IGF2BP3: variants seen among roughly 807,000 people sequenced by gnomAD.
The protein encoded by IGF2BP3 is insulin like growth factor 2 mRNA binding protein 3.
IGF2BP3 carries 9 observed loss-of-function variants against 73.8 expected under a neutral mutation model. That is an observed-to-expected ratio of 0.12 (90% CI 0.07 to 0.21). The LOEUF (loss-of-function observed/expected upper bound fraction) is 0.21. Ranked by LOEUF, IGF2BP3 falls within the 10% of genes least tolerant of loss-of-function variation. IGF2BP3 has a pLI of 1.00. For synonymous variants in IGF2BP3, 258 were observed against 256.7 expected, an observed-to-expected ratio of 1.01 and a Z score of -0.05; for missense variants, 542 against 714.0, an observed-to-expected ratio of 0.76 and a Z score of 2.75.
intron 3 of IGF2BP3, among the ~76,000 whole-genome samples, chr7:23,376,002 G>C (rs1785705410): frequency 6.6e-6 from 1 of 152,150 alleles, no homozygotes; most frequent in Non-Finnish European, 1.5e-5. Flanking sequence ...TTTAGCATGA[G>C]CAGTTCTCAA....
intron 12 of IGF2BP3, among the ~76,000 whole-genome samples, chr7:23,317,438 A>C (rs1003551337): frequency 5.3e-5 from 8 of 152,238 alleles, no homozygotes; most frequent in Non-Finnish European, 1.0e-4. Context: ...AGGTAAATCC[A>C]GCAACCAGTA....
intron 2 of IGF2BP3, among the ~76,000 whole-genome samples, chr7:23,424,121 C>CA (rs1321557776): frequency 2.7e-5 from 4 of 150,610 alleles, no homozygotes; most frequent in African/African-American, 9.8e-5. Flanking sequence ...CCATCTCAAA[C>CA]AAAAAAATTT....
intron 3 of IGF2BP3, among the ~76,000 whole-genome samples, chr7:23,368,961 G>T (rs186974882): frequency 2.6e-5 from 4 of 151,698 alleles, no homozygotes; most frequent in Non-Finnish European, 5.9e-5. Flanking sequence ...GAATTGCATA[G>T]TATGTGAATT....
intron 3 of IGF2BP3, among the ~76,000 whole-genome samples, chr7:23,387,062 T>C (rs1481676495): frequency 5.8e-5 from 8 of 137,160 alleles, no homozygotes; most frequent in Admixed American, 7.5e-5. Flanking sequence ...CAAGACTCTG[T>C]CAAAAAAAAA....
chr7:23,454,498 T>C (rs1788270894), intron 2 of IGF2BP3, among the ~76,000 whole-genome samples: 2 of 152,158 alleles, frequency 1.3e-5, no homozygotes, highest in South Asian at 4.2e-4. Context: ...ACACACAAAC[T>C]TATTAGTGAG....
At chr7:23,325,907 C>A (rs1428826736) in intron 10 of IGF2BP3, among the ~76,000 whole-genome samples, 2 of 152,176 alleles carry the variant, frequency 1.3e-5, no homozygotes, top group Non-Finnish European at 2.9e-5. Context: ...CCCTTCCTTA[C>A]ACCTTATACA....
intron 12 of IGF2BP3, among the ~76,000 whole-genome samples, chr7:23,315,400 G>A (rs767075076): frequency 6.6e-6 from 1 of 152,098 alleles, no homozygotes; most frequent in Non-Finnish European, 1.5e-5. Context: ...GGGCCACCGC[G>A]CCTGGCCAAG....
At chr7:23,363,635 T>C (rs968319260) in intron 3 of IGF2BP3, among the ~76,000 whole-genome samples, 2 of 152,234 alleles carry the variant, frequency 1.3e-5, no homozygotes, top group African/African-American at 4.8e-5. Context: ...GAGGTAAATT[T>C]AATTTTTATT....
chr7:23,331,091 G>A lies in IGF2BP3; in HGVS notation c.1203+10973C>T, dbSNP rs557137819. ...TGGGATTACAGGCATGAGCCACTGC[G>A]CCCGGCTGCTTTATTTTTCATAAAA... is the stretch of plus-strand genomic sequence containing the variant. On this transcript the variant is annotated intron_variant, in intron 10 of 14. Coordinates refer to ENST00000258729, the MANE Select transcript of IGF2BP3 (RefSeq NM_006547.3). Among the ~76,000 whole-genome samples, 12 of 152,244 alleles carry A rather than the reference G, an allele frequency of 7.9e-5. No homozygotes were observed. The South Asian group carries it at 2.1e-3, about 26-fold the overall frequency.
intron 12 of IGF2BP3, among the ~76,000 whole-genome samples, chr7:23,316,674 CAAAAAAAAAAAAA>C (rs1271667588): frequency 4.0e-5 from 2 of 50,148 alleles, no homozygotes; most frequent in Middle Eastern, 0.02. Context: ...GACTCTGTCT[CAAAAAAAAAAAAA>C]AAAAAAAGAG....
intron 3 of IGF2BP3, among the ~76,000 whole-genome samples, chr7:23,367,489 T>C (rs1785413142): frequency 7.1e-6 from 1 of 141,720 alleles, no homozygotes. Context: ...TTCCACTCTA[T>C]ATTTCCAACA....
At chr7:23,395,357 A>G (rs750146654) in intron 3 of IGF2BP3, among the ~76,000 whole-genome samples, 2 of 152,198 alleles carry the variant, frequency 1.3e-5, no homozygotes, top group Non-Finnish European at 2.9e-5. Context: ...GGGCCAACAC[A>G]GCTGGCACCA....
chr7:23,324,448 G>T (rs1410224427), intron 10 of IGF2BP3, among the ~76,000 whole-genome samples: 158 of 143,368 alleles, frequency 1.1e-3, no homozygotes, highest in Non-Finnish European at 2.1e-3. Flanking sequence ...CAACCAAAAA[G>T]AGTCCAGGAC....
intron 10 of IGF2BP3, among the ~76,000 whole-genome samples, chr7:23,328,787 C>G (rs1784368817): frequency 6.6e-6 from 1 of 152,192 alleles, no homozygotes; most frequent in Non-Finnish European, 1.5e-5. Context: ...TATACCCAAA[C>G]AGCTTCAGTA....
Position 23,469,980 on chromosome 7 carries a change from C to G in IGF2BP3, c.131G>C (p.Cys44Ser), listed in dbSNP as rs1788677126. Residue 44 changes from cysteine (C) to serine (S), a missense_variant, in exon 1 of 15, where the codon TGC becomes TCC. This residue lies in a region of IGF2BP3 where 239 missense variants were observed against 241.9 expected (regional missense o/e 0.99). Coordinates refer to ENST00000258729, the MANE Select transcript of IGF2BP3 (RefSeq NM_006547.3). The surrounding 1 kb of genome is among the most constrained non-coding windows in gnomAD (Gnocchi z 6.1). ...CTTGAGGGCCCAGCTCTCGTCCGGG[C>G]AGTCCACGAACGCGTAGCCAGTCTT... ...LVKTGYAFVD[C>S]PDESWALKAI... The G allele has an allele frequency of 6.2e-7, 1 of 1,612,392 alleles. No individual in the cohort carries two copies. The highest frequency in any genetic ancestry group is 1.1e-5 in the South Asian group (1 of 91,000).
rs879654221 is a variant in IGF2BP3, at chr7:23,311,114, ATTTTT to A, written c.*1243_*1247del. ...ACTTTACTACTTAAGGTGGAGTCTAATTTTTTTTTTTTAATTTATCAGTGCTTAAA... is the reference window on the plus strand; with the variant it reads ...ACTTTACTACTTAAGGTGGAGTCTAATTTTTTTAATTTATCAGTGCTTAAA... On this transcript the variant is annotated 3_prime_UTR_variant, in exon 15 of 15. Transcript: ENST00000258729. 6.8e-6 allele frequency: 1 copy of A among 147,764 alleles called. No homozygotes were observed. The highest frequency in any genetic ancestry group is 1.5e-5 in the Non-Finnish European group (1 of 66,622). The allele number at this position is 147,764 out of a possible 1,614,324, so 9.2% of individuals were successfully genotyped here.
chr7:23,387,908 G>A (rs1200666687), intron 3 of IGF2BP3, among the ~76,000 whole-genome samples: 1 of 152,070 alleles, frequency 6.6e-6, no homozygotes, highest in Admixed American at 6.6e-5. Context: ...AACATAAAGT[G>A]GCACAACTAC....
intron 3 of IGF2BP3, chr7:23,413,831 A>G (rs999175598): frequency 6.6e-6 from 1 of 152,132 alleles, no homozygotes; most frequent in African/African-American, 2.4e-5. Context: ...GCTATATTCC[A>G]TATATTTGGG....
At chr7:23,315,987 T>C (rs1485331945) in intron 12 of IGF2BP3, among the ~76,000 whole-genome samples, 2 of 152,250 alleles carry the variant, frequency 1.3e-5, no homozygotes, top group African/African-American at 4.8e-5. Context: ...ACAGTAATTC[T>C]ACTTATAAGA....
Sources: allele counts gnomAD v4.1 joint callset (sites outside exome capture counted in the v4.1 genomes callset), GRCh38; gene constraint gnomAD v4.1.1; regional missense constraint gnomAD v4.1.1; non-coding constraint Gnocchi (gnomAD v3.1); transcripts MANE v1.5; gene names NCBI Gene and HGNC (gene_info 2026-07-23, HGNC 2026-07-21).